The following PZP variants were observed in gnomAD, a reference collection of about 807,000 sequenced individuals.
The protein encoded by PZP is pregnancy zone protein.
A neutral mutation model predicts 179.8 loss-of-function variants in PZP; 150 were observed. The ratio of observed to expected loss-of-function variants is 0.83; its 90% CI spans 0.73 to 0.96. PZP has a LOEUF of 0.96. Ranked by LOEUF, PZP falls within the 40% of genes least tolerant of loss-of-function variation. The pLI is 0.00. For missense variants in PZP, 1,689 were observed against 1,764.0 expected (o/e 0.96, Z 0.76); for synonymous variants, 624 against 652.3 (o/e 0.96, Z 0.66).
At chr12:9,198,944 G>A (rs79857323) in intron 7 of PZP, among the ~76,000 whole-genome samples, 7 of 152,032 alleles carry the variant, frequency 4.6e-5, no homozygotes, top group East Asian at 1.9e-4. Flanking sequence ...TTTACCCTGC[G>A]TGCTCCCTCT....
intron 7 of PZP, 95 bp downstream of exon 7, chr12:9,200,269 G>C: frequency 1.3e-6 from 1 of 767,130 alleles, no homozygotes; most frequent in East Asian, 2.7e-5. Context: ...TATTACAAAA[G>C]TGCTGAGGCA....
chr12:9,151,513 G>C, intron 33 of PZP, 91 bp downstream of exon 33: 1 of 1,065,920 alleles, frequency 9.4e-7, no homozygotes, highest in Non-Finnish European at 1.4e-6. Flanking sequence ...ACTAATGATT[G>C]TTTTCCTCAT....
the PZP span, among the ~76,000 whole-genome samples, chr12:9,140,045 A>T: frequency 5.3e-5 from 8 of 152,138 alleles, no homozygotes; most frequent in East Asian, 1.3e-3. Flanking sequence ...TGGGATGGGC[A>T]TGTCTCTGGC....
chr12:9,168,756 G>C (rs1262611952), intron 17 of PZP, 113 bp downstream of exon 17: 8 of 767,788 alleles, frequency 1.0e-5, no homozygotes, highest in Admixed American at 2.6e-5. Context: ...TTTGAATCTT[G>C]GTTTCTTTGT....
intron 19 of PZP, among the ~76,000 whole-genome samples, chr12:9,164,759 G>C (rs558922597): frequency 7.6e-4 from 115 of 152,290 alleles, no homozygotes; most frequent in Non-Finnish European, 1.4e-3. Flanking sequence ...AGTGCTATAA[G>C]ATAAATTAAA....
intron 7 of PZP, among the ~76,000 whole-genome samples, 157 bp from the exon 8 acceptor site, chr12:9,197,280 A>T (rs1943834256): frequency 6.6e-6 from 1 of 150,668 alleles, no homozygotes; most frequent in Non-Finnish European, 1.5e-5. Context: ...CTCCCTCAAA[A>T]ATATTAGCCA....
At chr12:9,149,671 T>A (rs1271909606) in intron 34 of PZP, 69 bp from the exon 35 acceptor site, 35 of 1,509,460 alleles carry the variant, frequency 2.3e-5, no homozygotes, top group Non-Finnish European at 6.4e-6. Flanking sequence ...TAAATCTGTC[T>A]AGTCACTTTA....
Position 9,203,942 on chromosome 12 carries a change from C to T in PZP, c.93G>A (p.Met31Ile), listed in dbSNP as rs918070646. The T allele has an allele frequency of 6.2e-7, 1 of 1,610,104 alleles. No individual in the cohort carries two copies. The highest frequency in any genetic ancestry group is 8.5e-7 in the Non-Finnish European group (1 of 1,178,226). Residue 31 changes from methionine to isoleucine, a missense_variant, in exon 2 of 36, where the codon ATG becomes ATA. By Grantham distance (10) the Met-to-Ile change is conservative. Transcript: ENST00000261336. ...TGTGGAGCAGGGAGGGGACCAGCAC[C>T]ATATACTGCCTGGGAAAGGAAGAAG... ...SDSNSTEPQY[M>I]VLVPSLLHTE...
chr12:9,173,298 G>A (rs993565331), intron 15 of PZP, among the ~76,000 whole-genome samples: 3 of 152,144 alleles, frequency 2.0e-5, no homozygotes, highest in African/African-American at 7.2e-5. Flanking sequence ...ACAATGTACT[G>A]CAATCTCTGG....
intron 15 of PZP, among the ~76,000 whole-genome samples, chr12:9,176,982 A>T (rs1592503448): frequency 6.6e-6 from 1 of 152,342 alleles, no homozygotes; most frequent in South Asian, 2.1e-4. Context: ...TGAGAATCTC[A>T]GAGAGAGGAT....
chr12:9,199,188 T>A (rs1307142727), intron 7 of PZP, among the ~76,000 whole-genome samples: 1 of 152,208 alleles, frequency 6.6e-6, no homozygotes, highest in African/African-American at 2.4e-5. Context: ...TCTAGTACCC[T>A]TCATAATCAT....
At chr12:9,194,503 C>G (rs900002879) in intron 10 of PZP, among the ~76,000 whole-genome samples, 9 of 137,104 alleles carry the variant, frequency 6.6e-5, no homozygotes, top group Non-Finnish European at 1.1e-4. Context: ...CTCGCTCTGT[C>G]GCCCAGGCTG....
chr12:9,153,029 G>T, intron 30 of PZP, 78 bp from the exon 31 acceptor site: 1 of 1,606,600 alleles, frequency 6.2e-7, no homozygotes, highest in South Asian at 1.1e-5. Flanking sequence ...CGTCTCCAGA[G>T]GTGCCTTTTA....
intron 1 of PZP, among the ~76,000 whole-genome samples, chr12:9,205,486 A>C (rs1026673447): frequency 6.6e-6 from 1 of 152,220 alleles, no homozygotes; most frequent in Non-Finnish European, 1.5e-5. Flanking sequence ...CTCCATGTTC[A>C]TGGAAGCTAA....
At chr12:9,163,605 C>T in intron 21 of PZP, 63 bp downstream of exon 21, 2 of 1,569,630 alleles carry the variant, frequency 1.3e-6, no homozygotes, top group Non-Finnish European at 1.7e-6. Context: ...TCTTTGTTGT[C>T]TCAAGAGTGA....
At position 9,178,154 on chromosome 12, in the gene PZP, CA is replaced by C. The variant is rs980884893; in HGVS notation, c.1839+2828del. Among the ~76,000 whole-genome samples, 20 of 152,252 alleles carry C rather than the reference CA, an allele frequency of 1.3e-4. No individual in the cohort carries two copies. In the East Asian group the frequency reaches 3.9e-3, roughly 29 times the overall value. ...CTGCGGTTTTGGTTTCCAAGATTTC[CA>C]TTATCTGTGGTCAACTGTGATCCAA... is the stretch of plus-strand genomic sequence containing the variant. On this transcript the variant is annotated intron_variant, in intron 15 of 35. Transcript: ENST00000261336.
chr12:9,150,583 T>G, intron 34 of PZP, 61 bp downstream of exon 34: 4 of 1,118,814 alleles, frequency 3.6e-6, no homozygotes, highest in Non-Finnish European at 5.3e-6. Context: ...GAGGATCAAC[T>G]GTCACAACAG....
chr12:9,165,914 T>C, intron 18 of PZP, 138 bp downstream of exon 18: 2 of 1,063,062 alleles, frequency 1.9e-6, no homozygotes, highest in South Asian at 3.2e-5. Context: ...ATTGCGCATT[T>C]TACTTAGGTC....
At chr12:9,143,482 G>A in the PZP span, among the ~76,000 whole-genome samples, 183 of 152,214 alleles carry the variant, frequency 1.2e-3, 2 homozygotes, top group Middle Eastern at 3.4e-3. Flanking sequence ...AGAGGAAGGG[G>A]TTTAGAAGGA....
Sources: allele counts gnomAD v4.1 joint callset (sites outside exome capture counted in the v4.1 genomes callset), GRCh38; gene constraint gnomAD v4.1.1; transcripts MANE v1.5; gene names NCBI Gene and HGNC (gene_info 2026-07-23, HGNC 2026-07-21).